Variants in CNKSR3 observed in about 807,000 individuals in gnomAD.
CNKSR3 encodes the protein connector enhancer of kinase suppressor of ras 3.
In CNKSR3, 36 loss-of-function variants were observed where a neutral mutation model predicts 67.7. That is an observed-to-expected ratio of 0.53 (90% CI 0.41 to 0.70). The LOEUF (loss-of-function observed/expected upper bound fraction) is 0.70, where lower values mean the gene tolerates loss of function less well. Ranked by LOEUF, CNKSR3 falls within the 30% of genes least tolerant of loss-of-function variation. CNKSR3 has a pLI of 0.00. For missense variants in CNKSR3, 630 were observed against 695.2 expected (o/e 0.91, Z 1.05); for synonymous variants, 281 against 271.4 (o/e 1.04, Z -0.35).
At chr6:154,427,082 G>A (rs1193571156) in intron 7 of CNKSR3, among the ~76,000 whole-genome samples, 5 of 152,134 alleles carry the variant, frequency 3.3e-5, no homozygotes, top group South Asian at 2.1e-4. Flanking sequence ...GGGCTTCCTC[G>A]CTGCAGCTCA....
In CNKSR3 at chr6:154,399,772, T is replaced by A. The variant is rs1263651879; in HGVS notation, c.*6582A>T. 1 of 152,134 alleles carries A rather than the reference T, an allele frequency of 6.6e-6. No individual in the cohort carries two copies. The highest frequency in any genetic ancestry group is 1.5e-5 in the Non-Finnish European group (1 of 68,030). 9.4% of individuals were successfully genotyped at this position (152,134 alleles called of 1,614,324 possible). On this transcript the variant is annotated 3_prime_UTR_variant, in exon 13 of 13. Transcript: ENST00000607772. The stretch of plus-strand genomic sequence containing the variant: ...CTTACTTTATATTAAACTTCATTTC[T>A]GAAGCTCCCTGATTCTCTAAAATAA...
intron 1 of CNKSR3, among the ~76,000 whole-genome samples, chr6:154,468,362 G>A (rs1786252271): frequency 6.7e-6 from 1 of 149,776 alleles, no homozygotes; most frequent in African/African-American, 2.5e-5. Context: ...TTACAGGCAT[G>A]AGCCACTGCA....
rs1486856882 is a variant in CNKSR3, at chr6:154,391,564, A to C, written c.*14790T>G. The C allele has an allele frequency of 1.3e-5, 2 of 152,242 alleles. No homozygotes were observed. The highest frequency in any genetic ancestry group is 2.9e-5 in the Non-Finnish European group (2 of 68,050). 9.4% of individuals were successfully genotyped at this position (152,242 alleles called of 1,614,324 possible). ...ACTTCTTTAAAGACCGAATCTCCAA[A>C]TACAGTTACATTCTGAGGTACTGGG... On this transcript the variant is annotated 3_prime_UTR_variant, in exon 13 of 13. Coordinates refer to ENST00000607772, the MANE Select transcript of CNKSR3 (RefSeq NM_173515.4).
At chr6:154,437,202 A>G (rs1784752387) in intron 4 of CNKSR3, among the ~76,000 whole-genome samples, 1 of 152,168 alleles carries the variant, frequency 6.6e-6, no homozygotes, top group Admixed American at 6.5e-5. Flanking sequence ...TGGCAAAGAC[A>G]GATGTCTTCC....
chr6:154,416,234 C>T (rs1785021790), intron 9 of CNKSR3, among the ~76,000 whole-genome samples: 1 of 152,194 alleles, frequency 6.6e-6, no homozygotes, highest in South Asian at 2.1e-4. Context: ...AAAGGACTGA[C>T]TAGCCAGTGT....
In CNKSR3 at chr6:154,424,761, T is replaced by G. The variant is rs367669529; in HGVS notation, c.730-1778A>C. Among the ~76,000 whole-genome samples, 119 of 152,184 alleles carry G rather than the reference T, an allele frequency of 7.8e-4. 1 individual carries two copies. The highest frequency in any genetic ancestry group is 2.0e-3 in the African/African-American group (84 of 41,504). On this transcript the variant is annotated intron_variant, in intron 7 of 12. Transcript: ENST00000607772. ...TCATCTCAAGTTTCTGTTTTGTTTT[T>G]TTGTTGTTGTTGTTGTTGTTTTTTG... is the stretch of plus-strand genomic sequence containing the variant.
chr6:154,501,367 G>A (rs76318311), intron 1 of CNKSR3, among the ~76,000 whole-genome samples: 3,576 of 152,030 alleles, frequency 0.024, 157 homozygotes, highest in African/African-American at 0.082. Flanking sequence ...GCTTTCCACC[G>A]TAACTATTAA....
chr6:154,490,970 C>G (rs111529864), intron 1 of CNKSR3, among the ~76,000 whole-genome samples: 5 of 152,166 alleles, frequency 3.3e-5, no homozygotes, highest in African/African-American at 1.2e-4. Context: ...GACTCAGCCT[C>G]CTGAGTAGCT....
chr6:154,404,412 G>C lies in CNKSR3; in HGVS notation c.*1942C>G, dbSNP rs1784751046. 1 of 152,216 alleles carries C rather than the reference G, an allele frequency of 6.6e-6. No individual in the cohort carries two copies. Among genetic ancestry groups the C allele is most frequent in the Admixed American group, 6.6e-5 (1 of 15,266 alleles). 9.4% of individuals were successfully genotyped at this position (152,216 alleles called of 1,614,324 possible). A position where few individuals can be genotyped will look rare whatever the true frequency, so the allele number is the denominator to read the frequency against. On this transcript the variant is annotated 3_prime_UTR_variant, in exon 13 of 13. Coordinates refer to ENST00000607772, the MANE Select transcript of CNKSR3 (RefSeq NM_173515.4). The stretch of plus-strand genomic sequence containing the variant: ...TCACCATGTTGGCCAGGCTGGTCTT[G>C]AACTCCTGACCCCAGGTAATCCACC...
chr6:154,500,026 C>T (rs1786950225), intron 1 of CNKSR3, among the ~76,000 whole-genome samples: 1 of 152,044 alleles, frequency 6.6e-6, no homozygotes, highest in South Asian at 2.1e-4. Flanking sequence ...GTCATCTGCT[C>T]ATGGTTAGTT....
At chr6:154,419,050 C>CT (rs1785081911) in intron 9 of CNKSR3, among the ~76,000 whole-genome samples, 3 of 76,862 alleles carry the variant, frequency 3.9e-5, no homozygotes, top group Non-Finnish European at 7.7e-5. Flanking sequence ...TTTTTTTTTT[C>CT]TTTTTTTGGA....
chr6:154,487,485 A>G (rs979058585), intron 1 of CNKSR3, among the ~76,000 whole-genome samples: 1 of 152,206 alleles, frequency 6.6e-6, no homozygotes, highest in Admixed American at 6.5e-5. Context: ...GGAGTAAAGG[A>G]TCCAAACTTG....
chr6:154,484,277 G>A (rs1786621720), intron 1 of CNKSR3, among the ~76,000 whole-genome samples: 2 of 152,204 alleles, frequency 1.3e-5, no homozygotes, highest in South Asian at 4.1e-4. Context: ...TAGGAAAAAT[G>A]CCTGCTCTTG....
intron 1 of CNKSR3, among the ~76,000 whole-genome samples, chr6:154,483,525 C>T (rs924359081): frequency 1.3e-5 from 2 of 151,880 alleles, no homozygotes; most frequent in Non-Finnish European, 2.9e-5. Context: ...CACTTATCCT[C>T]GAAAACCATC....
At chr6:154,508,912 A>G (rs970168774) in intron 1 of CNKSR3, among the ~76,000 whole-genome samples, 21 of 152,308 alleles carry the variant, frequency 1.4e-4, no homozygotes, top group African/African-American at 5.1e-4. Context: ...AGTTTTCATT[A>G]TGCTGCAGCC....
chr6:154,443,150 G>A (rs570896866), intron 2 of CNKSR3, among the ~76,000 whole-genome samples: 287 of 152,118 alleles, frequency 1.9e-3, no homozygotes, highest in Middle Eastern at 6.8e-3. Context: ...TGCCCCCCTC[G>A]GCCTCTCAAA....
intron 5 of CNKSR3, among the ~76,000 whole-genome samples, 155 bp downstream of exon 5, chr6:154,433,311 T>C (rs1166670587): frequency 6.6e-6 from 1 of 152,242 alleles, no homozygotes; most frequent in Admixed American, 6.5e-5. Context: ...ATAACTTTTA[T>C]GCTTTCTCTT....
At chr6:154,479,224 A>AT (rs1306570993) in intron 1 of CNKSR3, among the ~76,000 whole-genome samples, 2 of 118,244 alleles carry the variant, frequency 1.7e-5, no homozygotes, top group East Asian at 2.8e-4. Flanking sequence ...AGAGAAAAAA[A>AT]AAAAAAATAT....
intron 1 of CNKSR3, among the ~76,000 whole-genome samples, chr6:154,454,156 C>A (rs1582874072): frequency 7.8e-6 from 1 of 128,392 alleles, no homozygotes; most frequent in East Asian, 2.6e-4. Flanking sequence ...TAAGAGCCCG[C>A]AATCCAATAC....
Sources: allele counts gnomAD v4.1 joint callset (sites outside exome capture counted in the v4.1 genomes callset), GRCh38; gene constraint gnomAD v4.1.1; transcripts MANE v1.5; gene names NCBI Gene and HGNC (gene_info 2026-07-23, HGNC 2026-07-21).